RNGTT: variants seen among roughly 807,000 people sequenced by gnomAD.
RNGTT encodes the protein mRNA-capping enzyme.
RNGTT carries 33 observed loss-of-function variants against 79.3 expected under a neutral mutation model. The ratio of observed to expected loss-of-function variants is 0.42; its 90% CI spans 0.32 to 0.56. The LOEUF (loss-of-function observed/expected upper bound fraction) is 0.56. Among genes scored for constraint, RNGTT ranks in the 20% least tolerant of loss-of-function variants. The probability of loss-of-function intolerance (pLI) is 0.17; values close to 1 mark genes in which losing one functional copy is unlikely to be tolerated. For synonymous variants in RNGTT, 222 were observed against 235.9 expected, an observed-to-expected ratio of 0.94 and a Z score of 0.54; for missense variants, 497 against 739.1, an observed-to-expected ratio of 0.67 and a Z score of 3.80.
At chr6:88,703,113 T>A (rs1429942964) in intron 13 of RNGTT, among the ~76,000 whole-genome samples, 4 of 152,314 alleles carry the variant, frequency 2.6e-5, no homozygotes, top group African/African-American at 9.6e-5. Flanking sequence ...GAATGTAAAG[T>A]AGCTCAGCCA....
chr6:88,923,559 G>A (rs6923815), intron 4 of RNGTT, among the ~76,000 whole-genome samples: 14,749 of 152,056 alleles, frequency 0.097, 1,647 homozygotes, highest in African/African-American at 0.27. Flanking sequence ...CCACAGAGGA[G>A]CAGAGAAACA....
At chr6:88,799,064 C>T (rs976603384) in intron 12 of RNGTT, among the ~76,000 whole-genome samples, 2 of 151,408 alleles carry the variant, frequency 1.3e-5, no homozygotes, top group African/African-American at 4.9e-5. Flanking sequence ...AAAAAAGACA[C>T]AATTTACCAC....
At chr6:88,711,168 CT>C (rs1776305186) in intron 13 of RNGTT, among the ~76,000 whole-genome samples, 1 of 152,068 alleles carries the variant, frequency 6.6e-6, no homozygotes, top group African/African-American at 2.4e-5. Flanking sequence ...AATTGTAGTG[CT>C]GACATCTAGA....
intron 12 of RNGTT, among the ~76,000 whole-genome samples, chr6:88,793,221 A>T (rs908901270): frequency 6.6e-5 from 10 of 152,084 alleles, no homozygotes; most frequent in Non-Finnish European, 1.0e-4. Context: ...TACAATCAGA[A>T]ATAAAACATT....
intron 11 of RNGTT, among the ~76,000 whole-genome samples, chr6:88,816,811 AC>A (rs1181452106): frequency 6.6e-6 from 1 of 152,148 alleles, no homozygotes; most frequent in African/African-American, 2.4e-5. Context: ...AGAAAAGGTG[AC>A]CCAGATATAT....
At chr6:88,769,158 G>T (rs964170583) in intron 13 of RNGTT, among the ~76,000 whole-genome samples, 5 of 151,530 alleles carry the variant, frequency 3.3e-5, no homozygotes, top group Non-Finnish European at 5.9e-5. Context: ...TCTTTTCTTT[G>T]GGGGGAGGTG....
chr6:88,943,540 C>T (rs764522408), intron 1 of RNGTT, among the ~76,000 whole-genome samples: 9 of 151,318 alleles, frequency 5.9e-5, no homozygotes, highest in Admixed American at 1.3e-4. Context: ...TTGTTCTAGG[C>T]GCACGGATTA....
intron 13 of RNGTT, among the ~76,000 whole-genome samples, chr6:88,718,481 T>C (rs1776598540): frequency 6.6e-6 from 1 of 151,918 alleles, no homozygotes; most frequent in Non-Finnish European, 1.5e-5. Flanking sequence ...AAAGATATGT[T>C]AATAGATGGG....
chr6:88,901,069 G>A (rs965315620), intron 6 of RNGTT, among the ~76,000 whole-genome samples: 2 of 151,630 alleles, frequency 1.3e-5, no homozygotes, highest in African/African-American at 4.8e-5. Flanking sequence ...TTGAACCCGG[G>A]AGGCAGAGCT....
intron 14 of RNGTT, among the ~76,000 whole-genome samples, chr6:88,669,581 G>A (rs1774551269): frequency 6.6e-6 from 1 of 152,212 alleles, no homozygotes; most frequent in Non-Finnish European, 1.5e-5. Context: ...ACCATATTGA[G>A]AAGAACCCAT....
chr6:88,957,317 G>A (rs1785468534), intron 1 of RNGTT, among the ~76,000 whole-genome samples: 2 of 152,146 alleles, frequency 1.3e-5, no homozygotes, highest in African/African-American at 4.8e-5. Flanking sequence ...AACAAGACAA[G>A]GATGCTACTT....
chr6:88,814,554 ACC>A (rs1780254726), intron 11 of RNGTT, among the ~76,000 whole-genome samples: 1 of 152,116 alleles, frequency 6.6e-6, no homozygotes, highest in Non-Finnish European at 1.5e-5. Flanking sequence ...ATATCATTAA[ACC>A]TTTGTTCATG....
chr6:88,719,352 T>G (rs1776628519), intron 13 of RNGTT, among the ~76,000 whole-genome samples: 1 of 152,218 alleles, frequency 6.6e-6, no homozygotes, highest in Non-Finnish European at 1.5e-5. Context: ...ATGTGGACTT[T>G]TTTATTCCTT....
intron 14 of RNGTT, among the ~76,000 whole-genome samples, chr6:88,661,224 CACAA>C (rs1341189235): frequency 2.6e-5 from 4 of 152,040 alleles, no homozygotes; most frequent in African/African-American, 7.2e-5. Flanking sequence ...TCTGAAAGAG[CACAA>C]ACAGACAATC....
intron 14 of RNGTT, among the ~76,000 whole-genome samples, chr6:88,615,508 G>A (rs377540293): frequency 2.0e-5 from 3 of 152,210 alleles, no homozygotes; most frequent in South Asian, 2.1e-4. Flanking sequence ...CCAAAAAAGT[G>A]ATATTCCAAG....
rs554302566 is a variant in RNGTT at position 88,847,006 on chromosome 6, C to T, written c.1105-2485G>A. Among the ~76,000 whole-genome samples the T allele has an allele frequency of 1.1e-4, 17 of 152,074 alleles. No individual in the cohort carries two copies. In the East Asian group the frequency reaches 3.3e-3, roughly 29 times the overall value. On this transcript the variant is annotated intron_variant, in intron 10 of 15. Coordinates refer to ENST00000369485, the MANE Select transcript of RNGTT (RefSeq NM_003800.5). ...ACATTTATATTTCATCAATAGTCTG[C>T]AAATTTGCTTTAATTTTATATCCAA...
chr6:88,892,062 A>G, intron 6 of RNGTT, 147 bp from the exon 7 acceptor site: 1 of 571,448 alleles, frequency 1.7e-6, no homozygotes, highest in South Asian at 2.8e-5. Flanking sequence ...GGTCTGCTGT[A>G]TAAACTCCCC....
At chr6:88,646,965 T>TAC (rs1472888936) in intron 14 of RNGTT, among the ~76,000 whole-genome samples, 1 of 152,182 alleles carries the variant, frequency 6.6e-6, no homozygotes, top group East Asian at 1.9e-4. Context: ...GGCACATGTA[T>TAC]ACATATGTAA....
At chr6:88,664,323 C>T (rs190894551) in intron 14 of RNGTT, among the ~76,000 whole-genome samples, 1 of 152,280 alleles carries the variant, frequency 6.6e-6, no homozygotes, top group Admixed American at 6.5e-5. Flanking sequence ...CCCTTTGACC[C>T]AGACAGCCCT....
Sources: allele counts gnomAD v4.1 joint callset (sites outside exome capture counted in the v4.1 genomes callset), GRCh38; gene constraint gnomAD v4.1.1; transcripts MANE v1.5; gene names NCBI Gene and HGNC (gene_info 2026-07-23, HGNC 2026-07-21).